RYR2: variants seen among roughly 807,000 people sequenced by gnomAD.
The protein encoded by RYR2 is ryanodine receptor 2, also known as cardiac muscle ryanodine receptor-calcium release channel.
RYR2 carries 227 observed loss-of-function variants against 601.1 expected under a neutral mutation model. The ratio of observed to expected loss-of-function variants is 0.38; its 90% CI spans 0.34 to 0.42. The LOEUF is 0.42. Ranked by LOEUF, RYR2 falls within the 10% of genes least tolerant of loss-of-function variation. The pLI is 1.00. For missense variants in RYR2, 4,646 were observed against 6,156.5 expected, an observed-to-expected ratio of 0.75 and a Z score of 8.21; for synonymous variants, 2,223 against 2,175.1, an observed-to-expected ratio of 1.02 and a Z score of -0.61.
At chr1:237,539,917 AT>A (rs5781966) in intron 25 of RYR2, among the ~76,000 whole-genome samples, 9 of 151,692 alleles carry the variant, frequency 5.9e-5, no homozygotes, top group African/African-American at 9.7e-5. Flanking sequence ...CTTAGAAATA[AT>A]TTTTTTTAAA....
At chr1:237,744,665 C>CA (rs536474862) in intron 80 of RYR2, among the ~76,000 whole-genome samples, 32 of 149,342 alleles carry the variant, frequency 2.1e-4, no homozygotes, top group African/African-American at 6.9e-4. Flanking sequence ...TCAACAACAA[C>CA]AAAAAAGCTT....
intron 80 of RYR2, among the ~76,000 whole-genome samples, chr1:237,749,599 C>T (rs1692371949): frequency 6.6e-6 from 1 of 152,032 alleles, no homozygotes; most frequent in Non-Finnish European, 1.5e-5. Flanking sequence ...TGTTTCTCAG[C>T]TTTCTGTTCT....
intron 1 of RYR2, among the ~76,000 whole-genome samples, chr1:237,081,555 A>T (rs997134739): frequency 1.3e-4 from 19 of 151,876 alleles, no homozygotes; most frequent in Non-Finnish European, 2.6e-4. Context: ...ATATATCATA[A>T]TTTAGACATT....
In RYR2 at chr1:237,395,162, A is replaced by G. The variant is rs1192490803; in HGVS notation, c.773+6979A>G. ...CATATCACCATCTTTTAAGATCTCAACAACACTATATTCAGGATGAAGTGA... is the reference window on the plus strand; with the variant it reads ...CATATCACCATCTTTTAAGATCTCAGCAACACTATATTCAGGATGAAGTGA... On this transcript the variant is annotated intron_variant, in intron 10 of 104. Transcript: ENST00000366574. Among the ~76,000 whole-genome samples, 3 of 152,184 alleles carry G rather than the reference A, an allele frequency of 2.0e-5. No homozygotes were observed. The East Asian group carries it at 5.8e-4, about 29-fold the overall frequency.
At chr1:237,231,013 T>C (rs2149187837) in intron 1 of RYR2, among the ~76,000 whole-genome samples, 1 of 152,116 alleles carries the variant, frequency 6.6e-6, no homozygotes, top group Non-Finnish European at 1.5e-5. Flanking sequence ...AGTTAAATCT[T>C]TGATAATCTT....
Position 237,798,064 on chromosome 1 carries a change from G to A in RYR2, c.13984G>A (p.Gly4662Ser), listed in dbSNP as rs886039213. ...TATGGATAAATATGGAGAGTTCTAC[G>A]GCCGAGACAGAATCAGTGAATTACT... ...KVMDKYGEFY[G>S]RDRISELLGM... Residue 4662 changes from glycine to serine, a missense_variant, in exon 97 of 105, where the codon GGC becomes AGC. Transcript: ENST00000366574. 21 of 1,610,896 alleles carry A rather than the reference G, an allele frequency of 1.3e-5. No homozygotes were observed. Among genetic ancestry groups the A allele is most frequent in the East Asian group, 2.2e-5 (1 of 44,816 alleles).
chr1:237,712,608 A>T (rs1475283853), intron 71 of RYR2, among the ~76,000 whole-genome samples: 1 of 152,160 alleles, frequency 6.6e-6, no homozygotes, highest in Non-Finnish European at 1.5e-5. Context: ...TTAACATGTC[A>T]ACACTATGTG....
At chr1:237,055,393 T>C (rs1335491005) in intron 1 of RYR2, among the ~76,000 whole-genome samples, 1 of 152,082 alleles carries the variant, frequency 6.6e-6, no homozygotes, top group African/African-American at 2.4e-5. Flanking sequence ...TAAGATAAAT[T>C]GGGATGTAGA....
chr1:237,515,633 TCCATCACCCACCC>T (rs1666347252), intron 24 of RYR2, among the ~76,000 whole-genome samples: 1 of 58,334 alleles, frequency 1.7e-5, no homozygotes. Context: ...CTCCCCTCCC[TCCATCACCCACCC>T]CTTCCCTCCC....
chr1:237,379,453 T>G (rs1701276984), intron 8 of RYR2, among the ~76,000 whole-genome samples: 1 of 152,174 alleles, frequency 6.6e-6, no homozygotes, highest in Non-Finnish European at 1.5e-5. Flanking sequence ...CCAAGGTTAT[T>G]GTGAGGAAGC....
chr1:237,274,457 T>G (rs1269050251), intron 2 of RYR2, among the ~76,000 whole-genome samples: 1 of 151,898 alleles, frequency 6.6e-6, no homozygotes, highest in Non-Finnish European at 1.5e-5. Flanking sequence ...AACAAAGATA[T>G]AAAGAAAATA....
intron 1 of RYR2, among the ~76,000 whole-genome samples, chr1:237,099,299 G>A (rs1305188753): frequency 6.6e-6 from 1 of 152,042 alleles, no homozygotes; most frequent in African/African-American, 2.4e-5. Context: ...GTGTGGTGGC[G>A]TGATCATGGC....
At position 237,825,203 on chromosome 1, in the gene RYR2, C is replaced by T. The variant is rs1271627556; in HGVS notation, c.14591-3178C>T. ...TGGAACCAAAAAAGAGCCCGCATAG[C>T]CCAGACAATCCTAAGCAGAAAGAAC... On this transcript the variant is annotated intron_variant, in intron 101 of 104. Coordinates refer to ENST00000366574, the MANE Select transcript of RYR2 (RefSeq NM_001035.3). 2.0e-5 allele frequency among the ~76,000 whole-genome samples: 3 copies of T among 152,146 alleles called. No individual in the cohort carries two copies. The East Asian group carries it at 5.8e-4, about 29-fold the overall frequency.
At chr1:237,474,014 T>G (rs1661082007) in intron 17 of RYR2, among the ~76,000 whole-genome samples, 1 of 151,592 alleles carries the variant, frequency 6.6e-6, no homozygotes, top group South Asian at 2.1e-4. Flanking sequence ...AAAAAGCTGA[T>G]GAATATGGAA....
chr1:237,648,647 G>T, intron 49 of RYR2, 34 bp downstream of exon 49: 1 of 1,589,912 alleles, frequency 6.3e-7, no homozygotes, highest in South Asian at 1.1e-5. Flanking sequence ...CTCCTCTCTT[G>T]ACTCTTCACT....
At chr1:237,129,658 T>TATATATAGTATG (rs1298303343) in intron 1 of RYR2, among the ~76,000 whole-genome samples, 2 of 149,832 alleles carry the variant, frequency 1.3e-5, no homozygotes, top group Non-Finnish European at 3.0e-5. Context: ...ATATATATAA[T>TATATATAGTATG]ATATATAGTA....
chr1:237,698,621 T>C (rs1252863804), intron 63 of RYR2, among the ~76,000 whole-genome samples: 18 of 152,182 alleles, frequency 1.2e-4, no homozygotes, highest in Admixed American at 1.2e-3. Context: ...ATGAGCTGAC[T>C]TTAAAAGTTT....
rs1688448352 is a variant in RYR2, at chr1:237,707,115, G to T, written c.9747G>T (p.Trp3249Cys). The change falls in exon 68 of 105, where the codon TGG (tryptophan) becomes TGT (cysteine). Residue 3249 changes from tryptophan to cysteine, a missense_variant. Physicochemically the swap from Trp to Cys is radical, Grantham distance 215. Around this residue, in one of 17 missense-constraint regions of RYR2, gnomAD observed 1,497 missense variants for 1,842.6 expected, o/e 0.81. Transcript: ENST00000366574. ...TGCTTTGCAGCTACATGTCTCGTTG[G>T]TGGGAGCATGGACCTGAGAACAATC... is the stretch of plus-strand genomic sequence containing the variant. ...LPMLCSYMSR[W>C]WEHGPENNPE... The T allele has an allele frequency of 6.2e-7, 1 of 1,613,820 alleles. No homozygotes were observed. Among genetic ancestry groups the T allele is most frequent in the Admixed American group, 1.7e-5 (1 of 59,988 alleles).
At chr1:237,476,311 A>T (rs1572500767) in intron 17 of RYR2, among the ~76,000 whole-genome samples, 1 of 151,954 alleles carries the variant, frequency 6.6e-6, no homozygotes, top group East Asian at 1.9e-4. Flanking sequence ...GGAGTTTGAA[A>T]CCAGCCTGGC....
Sources: gnomAD v4.1 joint callset for allele counts (sites outside exome capture counted in the v4.1 genomes callset) on GRCh38, gnomAD v4.1.1 for gene constraint, gnomAD v4.1.1 regional missense constraint, MANE v1.5 for transcripts, NCBI Gene and HGNC (gene_info 2026-07-23, HGNC 2026-07-21) for gene names.